The following AVEN variants were observed in gnomAD, a reference collection of about 807,000 sequenced individuals.
The protein encoded by AVEN is apoptosis and caspase activation inhibitor, also known as cell death regulator Aven.
AVEN carries 41 observed loss-of-function variants against 38.1 expected under a neutral mutation model. The ratio of observed to expected loss-of-function variants is 1.08; its 90% CI spans 0.84 to 1.40. The LOEUF (loss-of-function observed/expected upper bound fraction) is 1.40. Ranked by LOEUF, AVEN falls within the 40% of genes most tolerant of loss-of-function variation. AVEN has a pLI of 0.00. For synonymous variants in AVEN, 206 were observed against 171.8 expected, an observed-to-expected ratio of 1.20 and a Z score of -1.56; for missense variants, 605 against 438.8, an observed-to-expected ratio of 1.38 and a Z score of -3.38.
At chr15:33,888,811 C>T (rs1441993828) in intron 2 of AVEN, among the ~76,000 whole-genome samples, 3 of 151,984 alleles carry the variant, frequency 2.0e-5, no homozygotes, top group Admixed American at 1.3e-4. Context: ...AGTGCAGTGG[C>T]GCGATCTTGG....
intron 2 of AVEN, among the ~76,000 whole-genome samples, chr15:33,970,830 G>T (rs1402827099): frequency 6.6e-6 from 1 of 151,788 alleles, no homozygotes; most frequent in African/African-American, 2.4e-5. Flanking sequence ...CTAATTTGGG[G>T]GCTTTGTTTC....
downstream of AVEN, chr15:33,854,846 G>A (rs1403877035): frequency 3.5e-5 from 56 of 1,613,688 alleles, no homozygotes; most frequent in Non-Finnish European, 4.7e-5. Context: ...CTCACCTATT[G>A]GACATCGCAA....
At chr15:34,025,239 G>A (rs1898404303) in intron 1 of AVEN, among the ~76,000 whole-genome samples, 1 of 152,090 alleles carries the variant, frequency 6.6e-6, no homozygotes, top group Non-Finnish European at 1.5e-5. Context: ...AGTGTGGGAG[G>A]GAAATGTAAT....
chr15:34,005,533 G>A (rs758998218), intron 1 of AVEN, among the ~76,000 whole-genome samples: 3 of 152,126 alleles, frequency 2.0e-5, no homozygotes, highest in Admixed American at 2.0e-4. Flanking sequence ...ATGCTGCTTT[G>A]AACCCTTTGT....
intron 2 of AVEN, chr15:33,885,487 T>A (rs1335071640): frequency 6.6e-6 from 1 of 152,176 alleles, no homozygotes; most frequent in Non-Finnish European, 1.5e-5. Context: ...CACCTAACAC[T>A]TTGTCTTTGT....
At chr15:33,939,087 C>G (rs886600594) in intron 2 of AVEN, among the ~76,000 whole-genome samples, 1 of 152,162 alleles carries the variant, frequency 6.6e-6, no homozygotes, top group Non-Finnish European at 1.5e-5. Flanking sequence ...GTGATTCGCC[C>G]GCTTCAGCCT....
chr15:33,979,435 G>A (rs1213558260), intron 2 of AVEN, among the ~76,000 whole-genome samples: 1 of 152,092 alleles, frequency 6.6e-6, no homozygotes, highest in African/African-American at 2.4e-5. Context: ...CATGAGCCCA[G>A]GAGGTTGAGG....
downstream of AVEN, chr15:33,864,326 A>C (rs1889654127): frequency 1.5e-6 from 1 of 666,674 alleles, no homozygotes; most frequent in Non-Finnish European, 2.5e-6. Flanking sequence ...CCTTTTTGTG[A>C]CTCAATAAGA....
At chr15:34,067,813 C>T (rs59859850) in intron 2 of AVEN, among the ~76,000 whole-genome samples, 88 of 152,262 alleles carry the variant, frequency 5.8e-4, no homozygotes, top group African/African-American at 2.0e-3. Context: ...TTTAAAGAGT[C>T]GGTGCCCCAC....
chr15:33,863,473 T>C (rs1482605389), downstream of AVEN, among the ~76,000 whole-genome samples: 2 of 152,038 alleles, frequency 1.3e-5, no homozygotes, highest in Non-Finnish European at 2.9e-5. Context: ...AACTTCACAA[T>C]CCTTTTCCGG....
chr15:33,974,126 G>A (rs554278296), intron 2 of AVEN, among the ~76,000 whole-genome samples: 5 of 152,104 alleles, frequency 3.3e-5, no homozygotes, highest in African/African-American at 1.2e-4. Context: ...TGGAAATCAC[G>A]TTTGCTATAC....
chr15:33,928,650 C>T (rs1650953994), intron 2 of AVEN, among the ~76,000 whole-genome samples: 1 of 152,098 alleles, frequency 6.6e-6, no homozygotes, highest in South Asian at 2.1e-4. Context: ...ATGGAGTAAG[C>T]CATCCTGACT....
intron 2 of AVEN, among the ~76,000 whole-genome samples, chr15:33,975,321 T>A (rs1053591260): frequency 3.3e-5 from 5 of 152,228 alleles, no homozygotes; most frequent in African/African-American, 4.8e-5. Context: ...TCCTGGTATA[T>A]GTCAAGCAAT....
At chr15:33,865,343 A>G (rs1316106553), downstream of AVEN, 5 of 708,812 alleles carry the variant, frequency 7.1e-6, no homozygotes, top group African/African-American at 5.4e-5. Flanking sequence ...CCTCCCTTAA[A>G]AAAAAAACTG....
At chr15:33,853,587 A>T in the AVEN span, 4 of 1,613,898 alleles carry the variant, frequency 2.5e-6, no homozygotes, top group African/African-American at 5.3e-5. Context: ...TCTACGGAGC[A>T]GAACGCATTG....
chr15:33,932,600 A>G (rs510942), intron 2 of AVEN, among the ~76,000 whole-genome samples: 95,748 of 151,998 alleles, frequency 0.63, 31,182 homozygotes, highest in East Asian at 0.75. Flanking sequence ...GCTGAGGTGG[A>G]GGGATCATGA....
intron 2 of AVEN, among the ~76,000 whole-genome samples, chr15:33,939,175 C>G (rs1894216801): frequency 6.6e-6 from 1 of 152,170 alleles, no homozygotes; most frequent in African/African-American, 2.4e-5. Context: ...GCCATTCTAC[C>G]AGTCACTAAA....
rs566223839 is a variant in AVEN, at chr15:33,946,487, A to C, written c.445+56545T>G. ...TCCTGGATGCCAGGCTCAGTTCTAGATGCCCAGAAATCTCCAAGGGAACAA... is the reference window on the plus strand; with the variant it reads ...TCCTGGATGCCAGGCTCAGTTCTAGCTGCCCAGAAATCTCCAAGGGAACAA... On this transcript the variant is annotated intron_variant, in intron 2 of 5. Transcript: ENST00000306730. Among the ~76,000 whole-genome samples the C allele has an allele frequency of 3.9e-5, 6 of 152,324 alleles. No homozygotes were observed. The South Asian group carries it at 1.2e-3, about 32-fold the overall frequency.
chr15:33,940,841 C>T (rs1380909085), intron 2 of AVEN, among the ~76,000 whole-genome samples: 1 of 152,088 alleles, frequency 6.6e-6, no homozygotes, highest in Admixed American at 6.6e-5. Flanking sequence ...CACCCAGCCA[C>T]GATATGAAAT....
Sources: allele counts gnomAD v4.1 joint callset (sites outside exome capture counted in the v4.1 genomes callset), GRCh38; gene constraint gnomAD v4.1.1; transcripts MANE v1.5; gene names NCBI Gene and HGNC (gene_info 2026-07-23, HGNC 2026-07-21).